The following OPCML variants were observed in gnomAD, a reference collection of about 807,000 sequenced individuals.
OPCML encodes the protein opioid-binding protein/cell adhesion molecule.
Under a neutral mutation model 37.8 loss-of-function variants are expected in OPCML, and 13 were observed. The observed-to-expected ratio is 0.34, with a 90% CI of 0.22 to 0.55. The LOEUF (loss-of-function observed/expected upper bound fraction) is 0.55. OPCML is among the 20% of genes least tolerant of loss of function. The probability of loss-of-function intolerance (pLI) is 0.91; values close to 1 mark genes in which losing one functional copy is unlikely to be tolerated. For synonymous variants in OPCML, 176 were observed against 168.8 expected, an observed-to-expected ratio of 1.04 and a Z score of -0.33; for missense variants, 341 against 435.6, an observed-to-expected ratio of 0.78 and a Z score of 1.93.
chr11:132,844,162 C>T (rs1395559178), intron 2 of OPCML, among the ~76,000 whole-genome samples: 1 of 152,210 alleles, frequency 6.6e-6, no homozygotes, highest in East Asian at 1.9e-4. Flanking sequence ...GATTGTGAGG[C>T]TTCCCCAGCC....
At chr11:132,630,902 G>A (rs1445764657) in intron 3 of OPCML, among the ~76,000 whole-genome samples, 3 of 151,972 alleles carry the variant, frequency 2.0e-5, no homozygotes, top group African/African-American at 7.3e-5. Flanking sequence ...TAAACAAATT[G>A]TAATATATTC....
intron 1 of OPCML, among the ~76,000 whole-genome samples, chr11:133,016,186 C>G (rs1947331954): frequency 6.6e-6 from 1 of 152,174 alleles, no homozygotes; most frequent in Admixed American, 6.5e-5. Flanking sequence ...GTGTGTAGGT[C>G]AGAAGCCCCG....
intron 1 of OPCML, among the ~76,000 whole-genome samples, chr11:133,202,644 C>T (rs1426106124): frequency 1.3e-5 from 2 of 152,198 alleles, no homozygotes; most frequent in Non-Finnish European, 2.9e-5. Context: ...AATGTTTCTT[C>T]CAGGGAAACT....
chr11:132,509,491 TCA>T (rs1421607473), intron 4 of OPCML, among the ~76,000 whole-genome samples: 1 of 152,134 alleles, frequency 6.6e-6, no homozygotes, highest in Non-Finnish European at 1.5e-5. Flanking sequence ...CATCACAGGC[TCA>T]GAGGCCCAGG....
intron 2 of OPCML, among the ~76,000 whole-genome samples, chr11:132,876,523 C>T (rs1381350972): frequency 2.0e-5 from 3 of 152,194 alleles, no homozygotes; most frequent in Non-Finnish European, 4.4e-5. Context: ...GTGGACAGCA[C>T]CTCGAGTCCC....
At chr11:133,329,492 A>T (rs954128202) in intron 1 of OPCML, among the ~76,000 whole-genome samples, 4 of 152,200 alleles carry the variant, frequency 2.6e-5, no homozygotes, top group African/African-American at 9.6e-5. Flanking sequence ...AGAGATATAG[A>T]CCAATGGAAC....
At chr11:132,906,622 G>C (rs944163988) in intron 2 of OPCML, among the ~76,000 whole-genome samples, 1 of 152,158 alleles carries the variant, frequency 6.6e-6, no homozygotes, top group African/African-American at 2.4e-5. Flanking sequence ...AACACACACT[G>C]TACTCTTCTC....
chr11:132,925,134 TC>T (rs1944943695), intron 2 of OPCML, among the ~76,000 whole-genome samples: 1 of 152,236 alleles, frequency 6.6e-6, no homozygotes, highest in South Asian at 2.1e-4. Flanking sequence ...TCTTAGAATT[TC>T]CATCTCTCTG....
chr11:132,458,431 T>C (rs2096089829), intron 4 of OPCML, among the ~76,000 whole-genome samples: 1 of 152,196 alleles, frequency 6.6e-6, no homozygotes, highest in African/African-American at 2.4e-5. Flanking sequence ...TGATTCCTTT[T>C]CAGCCTGTCT....
intron 7 of OPCML, among the ~76,000 whole-genome samples, chr11:132,429,771 T>C (rs2095990097): frequency 6.6e-6 from 1 of 152,186 alleles, no homozygotes; most frequent in Non-Finnish European, 1.5e-5. Flanking sequence ...TAAATGATTC[T>C]GGGGCAAGGC....
Position 133,362,054 on chromosome 11 carries a change from G to C in OPCML, c.61+170210C>G, listed in dbSNP as rs117434285. On this transcript the variant is annotated intron_variant, in intron 1 of 7. Transcript: ENST00000524381. ...GCTGGACTGAGCAGGGAAGGAGGTC[G>C]GGGCTGCGGGCGTTGTCCCTGGAGC... 3.5e-3 allele frequency: 528 copies of C among 152,400 alleles called. 13 individuals carry two copies. In the East Asian group the frequency reaches 0.068, roughly 20 times the overall value. 9.4% of individuals were successfully genotyped at this position (152,400 alleles called of 1,614,324 possible).
intron 1 of OPCML, among the ~76,000 whole-genome samples, chr11:133,126,125 C>T (rs1241550476): frequency 1.3e-5 from 2 of 151,002 alleles, no homozygotes; most frequent in African/African-American, 4.9e-5. Context: ...TTATAGAAAT[C>T]GGCTCACATA....
intron 2 of OPCML, among the ~76,000 whole-genome samples, chr11:132,851,606 TAAAAA>T (rs979652749): frequency 6.6e-6 from 1 of 152,178 alleles, no homozygotes; most frequent in Non-Finnish European, 1.5e-5. Flanking sequence ...ATTTGTAACT[TAAAAA>T]GAAAAGAAGA....
chr11:133,286,907 A>T (rs553393993), intron 1 of OPCML, among the ~76,000 whole-genome samples: 2 of 152,324 alleles, frequency 1.3e-5, no homozygotes, highest in African/African-American at 4.8e-5. Context: ...AGTTTGGATG[A>T]TTTAGAAAAA....
At chr11:133,243,457 C>T (rs1940805198) in intron 1 of OPCML, among the ~76,000 whole-genome samples, 3 of 152,118 alleles carry the variant, frequency 2.0e-5, no homozygotes, top group Non-Finnish European at 1.5e-5. Flanking sequence ...TTTATTCTTC[C>T]AGGTGCAACA....
chr11:132,580,369 A>G (rs973308149), intron 3 of OPCML, among the ~76,000 whole-genome samples: 1 of 152,230 alleles, frequency 6.6e-6, no homozygotes, highest in African/African-American at 2.4e-5. Flanking sequence ...TTAATGCTCA[A>G]TGAAAATGTA....
At chr11:132,661,040 G>T (rs1001286173) in intron 2 of OPCML, among the ~76,000 whole-genome samples, 2 of 152,092 alleles carry the variant, frequency 1.3e-5, no homozygotes, top group South Asian at 2.1e-4. Context: ...GTGGCCACAG[G>T]CTTGAGTAAG....
At chr11:133,207,255 A>G (rs1394133951) in intron 1 of OPCML, among the ~76,000 whole-genome samples, 1 of 152,046 alleles carries the variant, frequency 6.6e-6, no homozygotes, top group Non-Finnish European at 1.5e-5. Flanking sequence ...AGCCGAGATC[A>G]AGCCACTGCC....
intron 1 of OPCML, among the ~76,000 whole-genome samples, chr11:133,446,908 T>G (rs180677206): frequency 1.7e-4 from 26 of 152,348 alleles, no homozygotes; most frequent in African/African-American, 5.3e-4. Context: ...TTGCATAGAT[T>G]ACTACATTTT....
Sources: allele counts gnomAD v4.1 joint callset (sites outside exome capture counted in the v4.1 genomes callset), GRCh38; gene constraint gnomAD v4.1.1; transcripts MANE v1.5; gene names NCBI Gene and HGNC (gene_info 2026-07-23, HGNC 2026-07-21).